DRC4: variants seen among roughly 807,000 people sequenced by gnomAD.
DRC4 encodes the protein GAS-11.
At chr16:90,037,787 G>A in the DRC4 span, 1 of 1,614,176 alleles carries the variant, frequency 6.2e-7, no homozygotes, top group Non-Finnish European at 8.5e-7. Flanking sequence ...TTGAAAGTCA[G>A]GGAGAAAGAG....
the DRC4 span, chr16:90,043,698 T>G: frequency 4.0e-6 from 2 of 500,364 alleles, no homozygotes; most frequent in Non-Finnish European, 8.1e-6. Context: ...GCGCCACTGT[T>G]GTCCCACCGA....
At chr16:90,041,894 G>A in the DRC4 span, among the ~76,000 whole-genome samples, 477 of 152,280 alleles carry the variant, frequency 3.1e-3, 2 homozygotes, top group African/African-American at 0.011. Context: ...GTGGCTGCAC[G>A]CTGCCTGCCC....
the DRC4 span, chr16:90,029,595 C>G: frequency 0.29 from 82,606 of 282,536 alleles, 13,067 homozygotes; most frequent in South Asian, 0.43. Flanking sequence ...GGGTGCGTGT[C>G]TCCCTCATGT....
At chr16:90,043,489 C>G in the DRC4 span, 1 of 878,578 alleles carries the variant, frequency 1.1e-6, no homozygotes. Context: ...ATCCTCTTTC[C>G]TGGCTCTGTG....
chr16:90,027,172 ATG>A, the DRC4 span, among the ~76,000 whole-genome samples: 1 of 144,046 alleles, frequency 6.9e-6, no homozygotes, highest in Non-Finnish European at 1.5e-5. Flanking sequence ...TGCAAACTCC[ATG>A]CCCCAGGTTC....
the DRC4 span, among the ~76,000 whole-genome samples, chr16:90,041,490 A>T: frequency 6.6e-6 from 1 of 151,948 alleles, no homozygotes; most frequent in Non-Finnish European, 1.5e-5. Flanking sequence ...AGCGCTGCTG[A>T]AGACTACTTT....
chr16:90,027,970 T>G, the DRC4 span: 8 of 500,532 alleles, frequency 1.6e-5, no homozygotes, highest in African/African-American at 1.5e-4. Context: ...GGACATGCTT[T>G]TCTGATCTAA....
chr16:90,037,736 T>C, the DRC4 span: 6 of 1,601,338 alleles, frequency 3.7e-6, no homozygotes, highest in South Asian at 6.6e-5. Context: ...ATACTTTCTG[T>C]CCCCTACTCC....
the DRC4 span, among the ~76,000 whole-genome samples, chr16:90,026,911 T>TA: frequency 8.6e-5 from 12 of 140,336 alleles, no homozygotes; most frequent in African/African-American, 3.2e-4. Flanking sequence ...TTTTTTTTTT[T>TA]AAGTTACAGT....
At chr16:90,029,204 G>A in the DRC4 span, 1 of 1,359,220 alleles carries the variant, frequency 7.4e-7, no homozygotes, top group African/African-American at 1.5e-5. Flanking sequence ...CAGCCTACGG[G>A]GCAGGCTACG....
At chr16:90,029,262 A>G in the DRC4 span, 1 of 1,362,166 alleles carries the variant, frequency 7.3e-7, no homozygotes, top group Non-Finnish European at 9.8e-7. Context: ...CAGACTCAGA[A>G]GGCTTCTTCA....
the DRC4 span, chr16:90,037,213 C>T: frequency 1.3e-6 from 2 of 1,593,360 alleles, no homozygotes; most frequent in Non-Finnish European, 1.7e-6. Flanking sequence ...CCCTGCCGGG[C>T]CTGTGCTTGT....
the DRC4 span, chr16:90,036,165 TG>T: frequency 3.4e-6 from 2 of 590,658 alleles, no homozygotes; most frequent in Non-Finnish European, 2.9e-6. Flanking sequence ...TGCCTGTCAC[TG>T]GCAAAGGCAG....
At chr16:90,043,587 A>G in the DRC4 span, 1 of 607,682 alleles carries the variant, frequency 1.6e-6, no homozygotes, top group Non-Finnish European at 3.1e-6. Flanking sequence ...GTCCAGGCCT[A>G]CTCCCTGGTC....
the DRC4 span, chr16:90,040,282 C>G: frequency 1.9e-6 from 3 of 1,559,970 alleles, no homozygotes; most frequent in South Asian, 2.4e-5. Context: ...TCGCCCACCC[C>G]CAGCGCTGTC....
At chr16:90,042,920 TC>T in the DRC4 span, 4 of 516,998 alleles carry the variant, frequency 7.7e-6, no homozygotes, top group Non-Finnish European at 1.4e-5. Context: ...CCCAGAGCCC[TC>T]CCAGACCACA....
chr16:90,040,080 T>C, the DRC4 span: 2 of 590,560 alleles, frequency 3.4e-6, no homozygotes, highest in Non-Finnish European at 6.1e-6. Context: ...GAGAAGGGCT[T>C]ATGCTGATGT....
the DRC4 span, chr16:90,036,721 C>G: frequency 1.3e-6 from 1 of 793,502 alleles, no homozygotes; most frequent in East Asian, 2.7e-5. Flanking sequence ...TTGACAATGC[C>G]CCTCTCATAT....
At chr16:90,026,917 A>G in the DRC4 span, among the ~76,000 whole-genome samples, 15 of 143,360 alleles carry the variant, frequency 1.0e-4, no homozygotes, top group South Asian at 3.1e-3. Flanking sequence ...TTTTTAAGTT[A>G]CAGTTTGCTT....
Sources: allele counts gnomAD v4.1 joint callset (sites outside exome capture counted in the v4.1 genomes callset), GRCh38; gene constraint gnomAD v4.1.1; transcripts MANE v1.5; gene names NCBI Gene and HGNC (gene_info 2026-07-23, HGNC 2026-07-21).